Variants in TSC2 observed in about 807,000 individuals in gnomAD.
The protein encoded by TSC2 is TSC complex subunit 2.
In TSC2, 29 loss-of-function variants were observed where a neutral mutation model predicts 202.2. The ratio of observed to expected loss-of-function variants is 0.14; its 90% CI spans 0.11 to 0.20. TSC2 has a LOEUF of 0.20. TSC2 is among the 10% of genes least tolerant of loss of function. The pLI, the probability that TSC2 is intolerant of heterozygous loss-of-function variation, is 1.00. For synonymous variants in TSC2, 1,349 were observed against 1,044.0 expected (o/e 1.29, Z -5.63); for missense variants, 2,429 against 2,420.0 (o/e 1.00, Z -0.08).
intron 4 of TSC2, 187 bp from the exon 5 acceptor site, chr16:2,054,109 G>A (rs2085474254): frequency 3.5e-6 from 3 of 868,306 alleles, no homozygotes; most frequent in Non-Finnish European, 3.6e-6. Flanking sequence ...CTCTGCGGTC[G>A]GCCGGTGCAT....
At chr16:2,055,954 T>G (rs971353028) in intron 6 of TSC2, 6 of 596,122 alleles carry the variant, frequency 1.0e-5, no homozygotes, top group Non-Finnish European at 1.8e-5. Flanking sequence ...TCTGATGTCT[T>G]GGTTATCTTT....
At chr16:2,051,269 G>A (rs1009756539) in intron 3 of TSC2, among the ~76,000 whole-genome samples, 2 of 151,274 alleles carry the variant, frequency 1.3e-5, no homozygotes, top group Admixed American at 6.6e-5. Flanking sequence ...GCAGTGAGCC[G>A]AGATCGCCCC....
At position 2,074,364 on chromosome 16, in the gene TSC2, C is replaced by G. The variant is rs147683438; in HGVS notation, c.2520C>G (p.Ala840=). 1.2e-5 allele frequency: 20 copies of G among 1,611,770 alleles called. No homozygotes were observed. Among genetic ancestry groups the G allele is most frequent in the African/African-American group, 2.7e-5 (2 of 74,936 alleles). The part of the protein sequence containing the change: ...LTHISATASM[A]VPLLEFLSTL... ...ACATCTCAGCCACAGCCAGCATGGC[C>G]GTCCCACTGCTGGAGTTCCTGTCCA... Residue 840 remains alanine (A), a synonymous_variant, in exon 22 of 42, where the codon GCC becomes GCG. Coordinates refer to ENST00000219476, the MANE Select transcript of TSC2 (RefSeq NM_000548.5).
intron 30 of TSC2, chr16:2,081,341 T>A (rs1567508984): frequency 1.8e-6 from 1 of 560,730 alleles, no homozygotes. Context: ...AGGCCTTGGG[T>A]CCGGACTGTG....
intron 10 of TSC2, among the ~76,000 whole-genome samples, chr16:2,060,463 G>C (rs1037485359): frequency 6.6e-6 from 1 of 152,220 alleles, no homozygotes; most frequent in Non-Finnish European, 1.5e-5. Context: ...CAGGCATGGG[G>C]GTGGGGCCCG....
chr16:2,077,055 C>T (rs1204349137), intron 25 of TSC2, among the ~76,000 whole-genome samples: 1 of 152,240 alleles, frequency 6.6e-6, no homozygotes, highest in Non-Finnish European at 1.5e-5. Context: ...TTGGCTTTCC[C>T]TAGATGGGAA....
At position 2,048,062 on chromosome 16, in the gene TSC2, CG is replaced by C; in HGVS notation, c.-30+1del. 1 of 1,425,010 alleles carries C rather than the reference CG, an allele frequency of 7.0e-7. No homozygotes were observed. Among genetic ancestry groups the C allele is most frequent in the Non-Finnish European group, 9.1e-7 (1 of 1,096,660 alleles). 88.3% of individuals were successfully genotyped at this position (1,425,010 alleles called of 1,614,324 possible). A position where few individuals can be genotyped will look rare whatever the true frequency, so the allele number is the denominator to read the frequency against. On this transcript the variant is annotated splice_region_variant and 5_prime_UTR_variant, in exon 1 of 42. Transcript: ENST00000219476. The stretch of plus-strand genomic sequence containing the variant: ...CGGCCCGGAGCGCGGTGGCGCGGCG[CG>C]GGGTAAGTGGCGGTCCCCACGGGGC...
intron 3 of TSC2, among the ~76,000 whole-genome samples, chr16:2,051,566 G>T (rs2085129755): frequency 6.6e-6 from 1 of 152,196 alleles, no homozygotes; most frequent in South Asian, 2.1e-4. Context: ...TTGTGGACAG[G>T]ACAGGAAGTG....
intron 10 of TSC2, among the ~76,000 whole-genome samples, chr16:2,059,441 C>G (rs2086339804): frequency 7.3e-6 from 1 of 136,500 alleles, no homozygotes; most frequent in South Asian, 2.4e-4. Context: ...CTCCCCAGTT[C>G]AAGCCATTCT....
chr16:2,060,889 C>T lies in TSC2; in HGVS notation c.1119+76C>T, dbSNP rs1158510430. On this transcript the variant is annotated intron_variant, in intron 11 of 41. Coordinates refer to ENST00000219476, the MANE Select transcript of TSC2 (RefSeq NM_000548.5). ...GCTCGGCCCACTCAGAAGATGGTACCTTGGGCCCCATCTCTGGGGGTCCCG... is the reference window on the plus strand; with the variant it reads ...GCTCGGCCCACTCAGAAGATGGTACTTTGGGCCCCATCTCTGGGGGTCCCG... 4.5e-6 allele frequency: 7 copies of T among 1,571,598 alleles called. No individual in the cohort carries two copies. The East Asian group carries it at 1.4e-4, about 31-fold the overall frequency.
At chr16:2,073,130 A>G (rs1174166199) in intron 21 of TSC2, 147 bp downstream of exon 21, 1 of 1,316,130 alleles carries the variant, frequency 7.6e-7, no homozygotes, top group African/African-American at 1.5e-5. Flanking sequence ...TGGCTGCCAG[A>G]TGCCCAGAGT....
At position 2,054,107 on chromosome 16, in the gene TSC2, TCGG is replaced by T; in HGVS notation, c.337-187_337-185del. 3 of 844,700 alleles carry T rather than the reference TCGG, an allele frequency of 3.6e-6. No homozygotes were observed. In the Admixed American group the frequency reaches 7.3e-5, roughly 21 times the overall value. The allele number at this position is 844,700 out of a possible 1,614,324, so 52.3% of individuals were successfully genotyped here. A position where few individuals can be genotyped will look rare whatever the true frequency, so the allele number is the denominator to read the frequency against. ...TTGCTCCCCATACGCCGCTCTGCGG[TCGG>T]CCGGTGCATCCGGCCCCCTGCCCTG... On this transcript the variant is annotated intron_variant, in intron 4 of 41. Coordinates refer to ENST00000219476, the MANE Select transcript of TSC2 (RefSeq NM_000548.5).
In TSC2 at chr16:2,053,371, C is replaced by T. The variant is rs45517098; in HGVS notation, c.255C>T (p.Val85=). ...EHAVEALWKA[V]ADLLQPERPL... Reference sequence around the variant, plus strand: ...CAGTGGAAGCACTCTGGAAGGCGGTCGCGGATCTGTTGCAGCCGGAGCGGC... The same window carrying T: ...CAGTGGAAGCACTCTGGAAGGCGGTTGCGGATCTGTTGCAGCCGGAGCGGC... The change falls in exon 4 of 42, where the codon GTC becomes GTT. Residue 85 remains valine, a synonymous_variant. Coordinates refer to ENST00000219476, the MANE Select transcript of TSC2 (RefSeq NM_000548.5). 1,976 of 1,590,176 alleles carry T rather than the reference C, an allele frequency of 1.2e-3. 4 individuals are homozygous for T. Among genetic ancestry groups the T allele is most frequent in the Middle Eastern group, 1.8e-3 (10 of 5,470 alleles).
intron 1 of TSC2, 150 bp from the exon 2 acceptor site, chr16:2,048,437 C>T (rs553147775): frequency 2.9e-6 from 3 of 1,052,164 alleles, no homozygotes; most frequent in African/African-American, 3.2e-5. Flanking sequence ...GCGAGCTGGT[C>T]AGCTGGGCTG....
At chr16:2,068,196 C>T (rs1216262838) in intron 16 of TSC2, among the ~76,000 whole-genome samples, 1 of 152,178 alleles carries the variant, frequency 6.6e-6, no homozygotes, top group Admixed American at 6.5e-5. Flanking sequence ...CGCACCACCA[C>T]ACCTGGCTAA....
At position 2,085,549 on chromosome 16, in the gene TSC2, A is replaced by G. The variant is rs558595071; in HGVS notation, c.4662+227A>G. On this transcript the variant is annotated intron_variant, in intron 36 of 41. Transcript: ENST00000219476. The stretch of plus-strand genomic sequence containing the variant: ...GCACCCGGCACACCAAGGAGTGGGA[A>G]GGACTGGGCGGGTGGCACCGGTCGC... Among the ~76,000 whole-genome samples the G allele has an allele frequency of 4.6e-5, 7 of 152,308 alleles. No homozygotes were observed. In the East Asian group the frequency reaches 1.3e-3, roughly 29 times the overall value.
intron 2 of TSC2, among the ~76,000 whole-genome samples, chr16:2,049,953 CTTTTT>C (rs34020463): frequency 7.4e-6 from 1 of 135,470 alleles, no homozygotes; most frequent in Non-Finnish European, 1.6e-5. Flanking sequence ...CTCAGTAAAT[CTTTTT>C]TTTTTTTTTT....
At chr16:2,048,417 G>T in intron 1 of TSC2, 170 bp from the exon 2 acceptor site, 1 of 921,578 alleles carries the variant, frequency 1.1e-6, no homozygotes, top group Non-Finnish European at 1.7e-6. Context: ...GCTTTCCTAG[G>T]TGCCTGTTTG....
intron 36 of TSC2, among the ~76,000 whole-genome samples, chr16:2,085,987 G>A (rs974620337): frequency 6.6e-5 from 10 of 152,136 alleles, no homozygotes; most frequent in South Asian, 6.2e-4. Context: ...TGATTTTGCC[G>A]GCCAGGCACA....
Sources: allele counts gnomAD v4.1 joint callset (sites outside exome capture counted in the v4.1 genomes callset), GRCh38; gene constraint gnomAD v4.1.1; transcripts MANE v1.5; gene names NCBI Gene and HGNC (gene_info 2026-07-23, HGNC 2026-07-21).